Variants in NRXN3 observed in about 807,000 individuals in gnomAD.
NRXN3 encodes neurexin III.
NRXN3 carries 32 observed loss-of-function variants against 137.6 expected under a neutral mutation model. The observed-to-expected ratio is 0.23, with a 90% confidence interval of 0.18 to 0.31. The LOEUF is 0.31. NRXN3 is among the 10% of genes least tolerant of loss of function. NRXN3 has a pLI of 1.00. For synonymous variants in NRXN3, 798 were observed against 784.5 expected (o/e 1.02, Z -0.29); for missense variants, 1,574 against 2,062.5 (o/e 0.76, Z 4.59).
intron 15 of NRXN3, chr14:79,074,547 C>A (rs2045656777): frequency 6.6e-6 from 1 of 152,192 alleles, no homozygotes; most frequent in Admixed American, 6.5e-5. Context: ...CCTTTACTTA[C>A]CAGGCCTGTT....
chr14:78,967,550 A>T (rs950870025), intron 13 of NRXN3, 152 bp downstream of exon 13: 5 of 630,814 alleles, frequency 7.9e-6, no homozygotes, highest in Admixed American at 5.9e-5. Flanking sequence ...CTGTAATGCA[A>T]TTTTTTCCGT....
At chr14:79,490,038 C>CAAAAAAA in intron 16 of NRXN3, among the ~76,000 whole-genome samples, 1 of 72,874 alleles carries the variant, frequency 1.4e-5, no homozygotes, top group South Asian at 5.1e-4. Flanking sequence ...TACTCCATCT[C>CAAAAAAA]AAAAAAAAAA....
intron 16 of NRXN3, among the ~76,000 whole-genome samples, chr14:79,547,448 A>G (rs960287210): frequency 1.3e-5 from 2 of 152,208 alleles, no homozygotes; most frequent in Admixed American, 6.5e-5. Context: ...TCTAAATTCA[A>G]TTAATTAGCA....
chr14:78,435,116 A>G (rs772542246), intron 4 of NRXN3, among the ~76,000 whole-genome samples: 1 of 152,226 alleles, frequency 6.6e-6, no homozygotes, highest in Non-Finnish European at 1.5e-5. Context: ...TGGCTGAATT[A>G]TAGTTCCTTT....
At chr14:78,267,607 G>A (rs1444594722) in intron 2 of NRXN3, among the ~76,000 whole-genome samples, 2 of 152,140 alleles carry the variant, frequency 1.3e-5, no homozygotes, top group Non-Finnish European at 2.9e-5. Flanking sequence ...GAGCTGGGAG[G>A]TCCACTTGAT....
rs2097254192 is a variant in NRXN3 at position 79,539,746 on chromosome 14, T to C, written c.3444+72344T>C. Among the ~76,000 whole-genome samples the C allele has an allele frequency of 2.0e-5, 3 of 152,154 alleles. No individual in the cohort carries two copies. The South Asian group carries it at 6.2e-4, about 31-fold the overall frequency. ...TTGTGTGTCTTCTGGCAAAAATAAA[T>C]AAATAACTTTCTCTTTTAAAGCCAC... On this transcript the variant is annotated intron_variant, in intron 16 of 20. Coordinates refer to ENST00000335750, the MANE Select transcript of NRXN3 (RefSeq NM_001330195.2).
intron 4 of NRXN3, among the ~76,000 whole-genome samples, chr14:78,373,422 G>T (rs964430994): frequency 1.3e-5 from 2 of 152,212 alleles, no homozygotes; most frequent in Admixed American, 1.3e-4. Flanking sequence ...TTCCACCTGT[G>T]TGGAGATAGC....
chr14:78,562,655 G>A (rs913019834), intron 4 of NRXN3, among the ~76,000 whole-genome samples: 2 of 152,124 alleles, frequency 1.3e-5, no homozygotes, highest in African/African-American at 2.4e-5. Context: ...TGCACATCCT[G>A]CCCAGGCTAC....
At chr14:78,809,792 A>G (rs2098899596) in intron 9 of NRXN3, among the ~76,000 whole-genome samples, 1 of 152,192 alleles carries the variant, frequency 6.6e-6, no homozygotes, top group Non-Finnish European at 1.5e-5. Flanking sequence ...TCATGGGCAG[A>G]TTTTTTAAAT....
intron 4 of NRXN3, among the ~76,000 whole-genome samples, chr14:78,376,580 T>C (rs959891124): frequency 6.6e-6 from 1 of 152,192 alleles, no homozygotes; most frequent in African/African-American, 2.4e-5. Flanking sequence ...CTCGTGGGAA[T>C]ACATGGTAGT....
chr14:79,441,584 G>A (rs992907836), intron 15 of NRXN3, among the ~76,000 whole-genome samples: 1 of 151,666 alleles, frequency 6.6e-6, no homozygotes, highest in Non-Finnish European at 1.5e-5. Flanking sequence ...GTTTCACCGT[G>A]TTAGCCAGGA....
At chr14:79,185,887 C>A (rs1054649898) in intron 15 of NRXN3, among the ~76,000 whole-genome samples, 3 of 152,082 alleles carry the variant, frequency 2.0e-5, no homozygotes, top group African/African-American at 7.2e-5. Flanking sequence ...ATACTCATTT[C>A]CCCCCAAGAT....
At position 79,663,761 on chromosome 14, in the gene NRXN3, G is replaced by T. The variant is rs759027162; in HGVS notation, c.3445-17G>T. The stretch of plus-strand genomic sequence containing the variant: ...GTGGTTGGTGATAACTATGCCTTTT[G>T]TGTTTCTTTATTATAGGAACAGGGG... On this transcript the variant is annotated splice_polypyrimidine_tract_variant and intron_variant, in intron 16 of 20. Transcript: ENST00000335750. 2 of 1,609,104 alleles carry T rather than the reference G, an allele frequency of 1.2e-6. No individual in the cohort carries two copies. Among genetic ancestry groups the T allele is most frequent in the South Asian group, 2.2e-5 (2 of 90,414 alleles).
chr14:79,583,911 A>G (rs948874683), intron 16 of NRXN3, among the ~76,000 whole-genome samples: 16 of 152,210 alleles, frequency 1.1e-4, no homozygotes, highest in Non-Finnish European at 2.9e-5. Flanking sequence ...CCCAGATAAA[A>G]GTGAGAAAGA....
intron 4 of NRXN3, among the ~76,000 whole-genome samples, chr14:78,520,446 G>A (rs2096269577): frequency 6.6e-6 from 1 of 152,176 alleles, no homozygotes; most frequent in Admixed American, 6.6e-5. Context: ...GTATTTATTG[G>A]AATTTTCAGG....
At chr14:78,731,207 TC>T (rs1347638726) in intron 8 of NRXN3, among the ~76,000 whole-genome samples, 2 of 152,124 alleles carry the variant, frequency 1.3e-5, no homozygotes, top group African/African-American at 4.8e-5. Flanking sequence ...TATTCTGTCT[TC>T]ATAAAATGCT....
chr14:79,508,390 ATT>A lies in NRXN3; in HGVS notation c.3444+41003_3444+41004del, dbSNP rs528502246. Among the ~76,000 whole-genome samples the A allele has an allele frequency of 8.3e-5, 4 of 48,224 alleles. No individual in the cohort carries two copies. The Admixed American group carries it at 9.3e-4, about 11-fold the overall frequency. 31.6% of individuals were successfully genotyped at this position (48,224 alleles called of 152,430 possible). A position where few individuals can be genotyped will look rare whatever the true frequency, so the allele number is the denominator to read the frequency against. ...AATTTTCTTTATAAAACAATAACTG[ATT>A]TTTTTTTTTTTTTTAAGACAGAGTC... On this transcript the variant is annotated intron_variant, in intron 16 of 20. Coordinates refer to ENST00000335750, the MANE Select transcript of NRXN3 (RefSeq NM_001330195.2).
At chr14:78,225,993 G>A (rs1444056941) in intron 1 of NRXN3, among the ~76,000 whole-genome samples, 3 of 149,310 alleles carry the variant, frequency 2.0e-5, no homozygotes, top group Admixed American at 6.6e-5. Context: ...GTGTGTGTGT[G>A]TGTGTGTGTG....
At chr14:78,725,946 T>A (rs1373680990) in intron 8 of NRXN3, among the ~76,000 whole-genome samples, 1 of 152,184 alleles carries the variant, frequency 6.6e-6, no homozygotes, top group East Asian at 1.9e-4. Flanking sequence ...ATCTGAGGAA[T>A]TGGGGTTAAG....
Sources: gnomAD v4.1 joint callset for allele counts (sites outside exome capture counted in the v4.1 genomes callset) on GRCh38, gnomAD v4.1.1 for gene constraint, MANE v1.5 for transcripts, NCBI Gene and HGNC (gene_info 2026-07-23, HGNC 2026-07-21) for gene names.